Variants in SNX29 observed in about 807,000 individuals in gnomAD.
SNX29 encodes sorting nexin 29, also known as sorting nexin-29.
In SNX29, 78 loss-of-function variants were observed where a neutral mutation model predicts 102.1. The ratio of observed to expected loss-of-function variants is 0.76; its 90% CI spans 0.64 to 0.92. The LOEUF (loss-of-function observed/expected upper bound fraction) is 0.92. Among genes scored for constraint, SNX29 ranks in the 40% least tolerant of loss-of-function variants. The pLI, the probability that SNX29 is intolerant of heterozygous loss-of-function variation, is 0.00. For missense variants in SNX29, 1,280 were observed against 1,061.7 expected, an observed-to-expected ratio of 1.21 and a Z score of -2.86; for synonymous variants, 580 against 414.5, an observed-to-expected ratio of 1.40 and a Z score of -4.85.
chr16:12,295,557 C>G (rs1196426992), intron 15 of SNX29, among the ~76,000 whole-genome samples: 1 of 152,102 alleles, frequency 6.6e-6, no homozygotes, highest in East Asian at 1.9e-4. Flanking sequence ...CTGAATATAC[C>G]CTGTTTCCTC....
intron 11 of SNX29, among the ~76,000 whole-genome samples, chr16:12,108,992 G>A (rs1446699221): frequency 6.6e-6 from 1 of 151,878 alleles, no homozygotes; most frequent in Admixed American, 6.6e-5. Context: ...GCTGGGTGCT[G>A]TGACAGGCTC....
In SNX29 at chr16:12,572,695, A is replaced by AG. The variant is rs1283158627; in HGVS notation, c.*4067dup. 3 of 1,063,658 alleles carry AG rather than the reference A, an allele frequency of 2.8e-6. No homozygotes were observed. Among genetic ancestry groups the AG allele is most frequent in the Non-Finnish European group, 3.4e-6 (3 of 878,330 alleles). 65.9% of individuals were successfully genotyped at this position (1,063,658 alleles called of 1,614,324 possible). ...CCACACGGGGGAAGCCCTGCACTCC[A>AG]GCAGCATCTTCCAGCCTTGGCACAG... On this transcript the variant is annotated 3_prime_UTR_variant, in exon 21 of 21. Transcript: ENST00000566228.
intron 3 of SNX29, among the ~76,000 whole-genome samples, chr16:12,011,337 G>A (rs867593778): frequency 2.6e-5 from 4 of 151,444 alleles, no homozygotes; most frequent in Non-Finnish European, 4.4e-5. Flanking sequence ...GTGCAGTGGC[G>A]TGATCTTGGC....
chr16:12,093,958 C>T (rs1381094036), intron 11 of SNX29: 1 of 152,184 alleles, frequency 6.6e-6, no homozygotes, highest in African/African-American at 2.4e-5. Flanking sequence ...CACATAGTGT[C>T]TGGGGCAACA....
At chr16:12,501,724 C>CAA (rs59431064) in intron 19 of SNX29, among the ~76,000 whole-genome samples, 813 of 44,886 alleles carry the variant, frequency 0.018, 77 homozygotes, top group African/African-American at 0.033. Context: ...GACACTGTCT[C>CAA]AAAAAAAAAA....
chr16:12,426,436 A>G (rs1340551930), intron 18 of SNX29, among the ~76,000 whole-genome samples: 1 of 152,182 alleles, frequency 6.6e-6, no homozygotes, highest in African/African-American at 2.4e-5. Flanking sequence ...GCCTGAAGAT[A>G]ATGAGCCGGA....
At chr16:12,531,950 C>T (rs181519563) in intron 20 of SNX29, among the ~76,000 whole-genome samples, 13 of 152,224 alleles carry the variant, frequency 8.5e-5, no homozygotes, top group East Asian at 1.9e-4. Flanking sequence ...GTGTTATAAC[C>T]GTCCTGCTGA....
chr16:12,418,703 C>T (rs1030225199), intron 18 of SNX29, among the ~76,000 whole-genome samples: 23 of 152,086 alleles, frequency 1.5e-4, no homozygotes, highest in African/African-American at 3.9e-4. Flanking sequence ...TTAGTAGAGA[C>T]GGGGTTTTGC....
rs1598136085 is a variant in SNX29 at position 12,570,301 on chromosome 16, A to C, written c.*1672A>C. The C allele has an allele frequency of 9.6e-7, 1 of 1,041,574 alleles. No homozygotes were observed. Among genetic ancestry groups the C allele is most frequent in the Non-Finnish European group, 1.2e-6 (1 of 857,792 alleles). The allele number at this position is 1,041,574 out of a possible 1,614,324, so 64.5% of individuals were successfully genotyped here. A position where few individuals can be genotyped will look rare whatever the true frequency, so the allele number is the denominator to read the frequency against. On this transcript the variant is annotated 3_prime_UTR_variant, in exon 21 of 21. Coordinates refer to ENST00000566228, the MANE Select transcript of SNX29 (RefSeq NM_032167.5). The stretch of plus-strand genomic sequence containing the variant: ...TGCAGTCAGTTTGCGAGTGTGGAGG[A>C]CCCGAGACATCCTGTAAAGGCAACT...
intron 20 of SNX29, chr16:12,557,821 T>A (rs1167000076): frequency 6.6e-6 from 1 of 152,212 alleles, no homozygotes; most frequent in Non-Finnish European, 1.5e-5. Flanking sequence ...TGCAGTCTGT[T>A]GTTCACCAAA....
chr16:12,287,291 G>A (rs1567399770), intron 15 of SNX29, among the ~76,000 whole-genome samples: 1 of 152,152 alleles, frequency 6.6e-6, no homozygotes, highest in Admixed American at 6.6e-5. Flanking sequence ...CCTCCAGCAT[G>A]GTCTCCTTTA....
intron 20 of SNX29, chr16:12,526,829 C>A (rs774266905): frequency 1.7e-5 from 7 of 403,986 alleles, no homozygotes; most frequent in South Asian, 1.2e-4. Flanking sequence ...CAGTGTTTCC[C>A]AAACATTCGC....
In SNX29 at chr16:12,067,443, C is replaced by T. The variant is rs980125574; in HGVS notation, c.1244-1614C>T. ...TCTCCAGCACCATGTTCCTTGTCCC[C>T]GATGCACGGCTGGTTCCATAGTGGT... On this transcript the variant is annotated intron_variant, in intron 9 of 20. Coordinates refer to ENST00000566228, the MANE Select transcript of SNX29 (RefSeq NM_032167.5). Among the ~76,000 whole-genome samples, 5 of 152,168 alleles carry T rather than the reference C, an allele frequency of 3.3e-5. No individual in the cohort carries two copies. In the East Asian group the frequency reaches 5.8e-4, roughly 18 times the overall value.
At chr16:12,051,056 G>A (rs2050278849) in intron 7 of SNX29, among the ~76,000 whole-genome samples, 1 of 152,148 alleles carries the variant, frequency 6.6e-6, no homozygotes, top group Non-Finnish European at 1.5e-5. Context: ...AGCAGGGCAT[G>A]GTGGCTCATG....
At chr16:12,114,454 T>G (rs2053615030) in intron 11 of SNX29, among the ~76,000 whole-genome samples, 1 of 152,182 alleles carries the variant, frequency 6.6e-6, no homozygotes, top group Non-Finnish European at 1.5e-5. Context: ...AGAACCAACA[T>G]GAAGCCCTGG....
At chr16:12,507,491 T>C (rs1268332564) in intron 19 of SNX29, among the ~76,000 whole-genome samples, 1 of 152,228 alleles carries the variant, frequency 6.6e-6, no homozygotes, top group Non-Finnish European at 1.5e-5. Context: ...TGTTTCTTGT[T>C]GATGTTACTG....
At chr16:12,448,901 C>A (rs7189993) in intron 18 of SNX29, among the ~76,000 whole-genome samples, 5 of 152,054 alleles carry the variant, frequency 3.3e-5, no homozygotes, top group Admixed American at 2.0e-4. Context: ...TTGGTTTTCG[C>A]ATTCACTAGG....
rs533613543 is a variant in SNX29, at chr16:12,215,440, G to A, written c.1678+15757G>A. On this transcript the variant is annotated intron_variant, in intron 14 of 20. Transcript: ENST00000566228. Reference sequence around the variant, plus strand: ...CGCTTTGCCCCAGGTGCACAGCTGGGGAGTGGCAGGGCCTGGATCTCTGAT... The same window carrying A: ...CGCTTTGCCCCAGGTGCACAGCTGGAGAGTGGCAGGGCCTGGATCTCTGAT... Among the ~76,000 whole-genome samples, 129 of 152,300 alleles carry A rather than the reference G, an allele frequency of 8.5e-4. 1 individual carries two copies. The highest frequency in any genetic ancestry group is 6.8e-3 in the Middle Eastern group (2 of 294).
intron 13 of SNX29, among the ~76,000 whole-genome samples, chr16:12,177,431 A>G (rs150118752): frequency 1.1e-4 from 16 of 152,196 alleles, no homozygotes; most frequent in Non-Finnish European, 2.1e-4. Flanking sequence ...AATTATCGAG[A>G]TGTGACTAGG....
Sources: allele counts gnomAD v4.1 joint callset (sites outside exome capture counted in the v4.1 genomes callset), GRCh38; gene constraint gnomAD v4.1.1; transcripts MANE v1.5; gene names NCBI Gene and HGNC (gene_info 2026-07-23, HGNC 2026-07-21).